ZNF536: variants seen among roughly 807,000 people sequenced by gnomAD.
ZNF536 encodes the protein zinc finger protein 536.
ZNF536 carries 13 observed loss-of-function variants against 84.5 expected under a neutral mutation model. The observed-to-expected ratio is 0.15, with a 90% confidence interval of 0.10 to 0.24. The LOEUF is 0.24. Ranked by LOEUF, ZNF536 falls within the 10% of genes least tolerant of loss-of-function variation. The probability of loss-of-function intolerance (pLI) is 1.00; values close to 1 mark genes in which losing one functional copy is unlikely to be tolerated. For missense variants in ZNF536, 1,536 were observed against 1,747.5 expected (o/e 0.88, Z 2.16); for synonymous variants, 811 against 742.5 (o/e 1.09, Z -1.50).
At chr19:30,675,095 G>C (rs1037012531) in intron 1 of ZNF536, among the ~76,000 whole-genome samples, 3 of 152,148 alleles carry the variant, frequency 2.0e-5, no homozygotes, top group Non-Finnish European at 4.4e-5. Flanking sequence ...CATGTTCTCT[G>C]GCTTTCATTC....
At position 30,595,095 on chromosome 19, in the gene ZNF536, G is replaced by A. The variant is rs10413595; in HGVS notation, c.169+45581G>A. 2.0e-3 allele frequency among the ~76,000 whole-genome samples: 298 copies of A among 152,262 alleles called. 1 individual carries two copies. Among genetic ancestry groups the A allele is most frequent in the African/African-American group, 7.0e-3 (289 of 41,576 alleles). ...AGTGTGGCCAAGGAAGCCAGAGCCA[G>A]GAGAGGCACAATGAAGTTGGGCCAG... is the stretch of plus-strand genomic sequence containing the variant. On this transcript the variant is annotated intron_variant, in intron 1 of 1. Transcript: ENST00000592773.
chr19:30,606,261 TAAA>T (rs58066592), intron 1 of ZNF536, among the ~76,000 whole-genome samples: 9 of 24,058 alleles, frequency 3.7e-4, no homozygotes, highest in African/African-American at 5.7e-4. Flanking sequence ...ATAAATAAAA[TAAA>T]ATAAAATAAA....
At chr19:30,411,534 AT>A (rs1323053771) in intron 1 of ZNF536, among the ~76,000 whole-genome samples, 1 of 152,116 alleles carries the variant, frequency 6.6e-6, no homozygotes, top group East Asian at 1.9e-4. Context: ...TGTGTAATGT[AT>A]TTTTTAAATG....
intron 1 of ZNF536, among the ~76,000 whole-genome samples, chr19:30,586,522 C>T (rs1374571978): frequency 6.6e-6 from 1 of 152,202 alleles, no homozygotes; most frequent in Non-Finnish European, 1.5e-5. Context: ...GAGTTTCCTT[C>T]CTTCCTTCTT....
intron 2 of ZNF536, among the ~76,000 whole-genome samples, chr19:30,471,598 G>C (rs1195724387): frequency 6.6e-6 from 1 of 152,212 alleles, no homozygotes; most frequent in Non-Finnish European, 1.5e-5. Flanking sequence ...CTTGATCCCT[G>C]GACAGTTGGA....
chr19:30,311,647 C>G (rs1185875526), intron 2 of ZNF536, among the ~76,000 whole-genome samples: 1 of 152,200 alleles, frequency 6.6e-6, no homozygotes, highest in Non-Finnish European at 1.5e-5. Context: ...CCCACCCCCA[C>G]TCTCTCATTC....
chr19:30,645,917 G>A (rs2049447914), intron 1 of ZNF536, among the ~76,000 whole-genome samples: 1 of 152,076 alleles, frequency 6.6e-6, no homozygotes, highest in Admixed American at 6.6e-5. Context: ...CTGCATTTTG[G>A]GAAAGTTCGC....
At chr19:30,354,024 C>T (rs1031734576) in intron 3 of ZNF536, among the ~76,000 whole-genome samples, 5 of 152,126 alleles carry the variant, frequency 3.3e-5, no homozygotes, top group African/African-American at 9.7e-5. Context: ...CTGCCATTTC[C>T]CCTGATCCCA....
At chr19:30,651,235 G>A (rs1380547733) in intron 1 of ZNF536, among the ~76,000 whole-genome samples, 4 of 152,242 alleles carry the variant, frequency 2.6e-5, no homozygotes, top group African/African-American at 7.2e-5. Flanking sequence ...GGACAAAGGC[G>A]AGGGAGGTGC....
At chr19:30,496,859 A>C (rs1423582578) in intron 2 of ZNF536, among the ~76,000 whole-genome samples, 1 of 151,934 alleles carries the variant, frequency 6.6e-6, no homozygotes, top group African/African-American at 2.4e-5. Flanking sequence ...ACGAGGGGCG[A>C]GGGGCACTGT....
chr19:30,571,283 G>T (rs1434650743), intron 1 of ZNF536, among the ~76,000 whole-genome samples: 1 of 152,120 alleles, frequency 6.6e-6, no homozygotes, highest in Non-Finnish European at 1.5e-5. Context: ...ATTCTACTGG[G>T]GGTCTTTGAG....
At chr19:30,536,149 C>T (rs1198980763) in intron 3 of ZNF536, among the ~76,000 whole-genome samples, 2 of 152,170 alleles carry the variant, frequency 1.3e-5, no homozygotes, top group African/African-American at 2.4e-5. Flanking sequence ...AGGCCTCATG[C>T]GACCTGCCCA....
chr19:30,371,663 G>A (rs1253037184), upstream of ZNF536, among the ~76,000 whole-genome samples: 1 of 151,266 alleles, frequency 6.6e-6, no homozygotes, highest in Non-Finnish European at 1.5e-5. Flanking sequence ...TTTTGCAGGA[G>A]GGTATCTGGA....
chr19:30,592,093 T>C (rs947960141), intron 1 of ZNF536, among the ~76,000 whole-genome samples: 3 of 152,228 alleles, frequency 2.0e-5, no homozygotes, highest in Non-Finnish European at 4.4e-5. Flanking sequence ...TATTTAGCAA[T>C]ATTATTATTC....
At chr19:30,601,893 C>T (rs1164922410) in intron 1 of ZNF536, among the ~76,000 whole-genome samples, 1 of 152,184 alleles carries the variant, frequency 6.6e-6, no homozygotes, top group Non-Finnish European at 1.5e-5. Context: ...TCAGAAACCC[C>T]ATTCTAGAAC....
intron 1 of ZNF536, among the ~76,000 whole-genome samples, chr19:30,666,186 T>C (rs1358333526): frequency 1.3e-5 from 2 of 152,158 alleles, no homozygotes; most frequent in Non-Finnish European, 2.9e-5. Context: ...GCTCACCTGG[T>C]CTCCCAGGAG....
intron 2 of ZNF536, among the ~76,000 whole-genome samples, chr19:30,448,145 C>CT (rs2052438432): frequency 6.6e-6 from 1 of 152,158 alleles, no homozygotes; most frequent in South Asian, 2.1e-4. Flanking sequence ...AATACTGATT[C>CT]TTTCATTTCT....
chr19:30,608,724 AG>A (rs2047985165), intron 1 of ZNF536, among the ~76,000 whole-genome samples: 1 of 152,176 alleles, frequency 6.6e-6, no homozygotes, highest in African/African-American at 2.4e-5. Flanking sequence ...TGTGTTTCCA[AG>A]GGGCCCAGCA....
At chr19:30,604,692 T>C (rs1312809413) in intron 1 of ZNF536, among the ~76,000 whole-genome samples, 5 of 152,196 alleles carry the variant, frequency 3.3e-5, no homozygotes, top group Admixed American at 6.5e-5. Context: ...TGTCAACAAA[T>C]TGAGTTTGTG....
Sources: allele counts gnomAD v4.1 joint callset (sites outside exome capture counted in the v4.1 genomes callset), GRCh38; gene constraint gnomAD v4.1.1; transcripts MANE v1.5; gene names NCBI Gene and HGNC (gene_info 2026-07-23, HGNC 2026-07-21).